The following SEMA6D variants were observed in gnomAD, a reference collection of about 807,000 sequenced individuals.
The protein encoded by SEMA6D is semaphorin-6D.
Under a neutral mutation model 106.6 loss-of-function variants are expected in SEMA6D, and 35 were observed. That is an observed-to-expected ratio of 0.33 (90% CI 0.25 to 0.44). The LOEUF (loss-of-function observed/expected upper bound fraction) is 0.44, where lower values mean the gene tolerates loss of function less well. Ranked by LOEUF, SEMA6D falls within the 20% of genes least tolerant of loss-of-function variation. The pLI is 1.00. For synonymous variants in SEMA6D, 499 were observed against 487.7 expected (o/e 1.02, Z -0.31); for missense variants, 1,185 against 1,345.9 (o/e 0.88, Z 1.87).
chr15:47,260,534 T>C (rs1566957596), intron 1 of SEMA6D, among the ~76,000 whole-genome samples: 1 of 152,142 alleles, frequency 6.6e-6, no homozygotes, highest in Non-Finnish European at 1.5e-5. Context: ...TCCCAGTGTC[T>C]TCTGGAGGGG....
rs114180394 is a variant in SEMA6D, at chr15:47,770,025, T to C, written c.1934-472T>C. Among the ~76,000 whole-genome samples the C allele has an allele frequency of 5.6e-4, 86 of 152,322 alleles. 1 individual carries two copies. The highest frequency in any genetic ancestry group is 2.0e-3 in the African/African-American group (83 of 41,572). ...ACAAATTATATGTTCATATTAAAGT[T>C]AGTATAATTGTATCAGAGTAATTAT... On this transcript the variant is annotated intron_variant, in intron 18 of 18. Coordinates refer to ENST00000536845, the MANE Select transcript of SEMA6D (RefSeq NM_001358351.3).
chr15:47,290,316 G>A (rs2035542999), intron 1 of SEMA6D, among the ~76,000 whole-genome samples: 1 of 152,014 alleles, frequency 6.6e-6, no homozygotes, highest in Non-Finnish European at 1.5e-5. Context: ...AAGTAAGAAT[G>A]TTTCATTTAG....
chr15:47,713,006 CTT>C (rs1382610967), upstream of SEMA6D, among the ~76,000 whole-genome samples: 3 of 152,120 alleles, frequency 2.0e-5, no homozygotes, highest in Non-Finnish European at 4.4e-5. Context: ...CTTCATATCT[CTT>C]GTCTGTTTGC....
At chr15:47,493,884 A>T (rs761877720) in intron 3 of SEMA6D, among the ~76,000 whole-genome samples, 12 of 152,280 alleles carry the variant, frequency 7.9e-5, no homozygotes, top group Non-Finnish European at 1.6e-4. Context: ...TGTAAAATTC[A>T]TGGCCAAACT....
intron 1 of SEMA6D, among the ~76,000 whole-genome samples, chr15:47,392,462 C>G (rs537995415): frequency 1.6e-4 from 25 of 152,024 alleles, no homozygotes; most frequent in Non-Finnish European, 2.8e-4. Context: ...GGGTCAGGGT[C>G]AGAGGCAGGG....
intron 3 of SEMA6D, among the ~76,000 whole-genome samples, chr15:47,541,561 A>C (rs1285724308): frequency 6.6e-6 from 1 of 152,162 alleles, no homozygotes; most frequent in East Asian, 1.9e-4. Flanking sequence ...GAAATGGTAG[A>C]GGGGAAAAAA....
intron 1 of SEMA6D, among the ~76,000 whole-genome samples, chr15:47,285,290 T>C (rs1489257398): frequency 3.9e-5 from 6 of 152,190 alleles, no homozygotes; most frequent in Non-Finnish European, 7.4e-5. Flanking sequence ...ACCTTTCTAG[T>C]GGCTGATTCA....
At chr15:47,265,252 T>C (rs963482571) in intron 1 of SEMA6D, among the ~76,000 whole-genome samples, 2 of 151,958 alleles carry the variant, frequency 1.3e-5, no homozygotes, top group African/African-American at 4.8e-5. Flanking sequence ...AGGCCTCAAC[T>C]TTTATTTCTG....
Position 47,767,089 on chromosome 15 carries a change from A to G in SEMA6D, c.1761A>G (p.Thr587=). The change falls in exon 17 of 19, where the codon ACA becomes ACG. Residue 587 remains threonine, a synonymous_variant. Transcript: ENST00000536845. The stretch of plus-strand genomic sequence containing the variant: ...ATTACAAAATATTTGGCGGTCCAAC[A>G]TCTGGTTAGTTTTTTTTAATTTTTT... The part of the protein sequence containing the change: ...TPDYKIFGGP[T]SDMEVSSSSV... 1 of 1,567,376 alleles carries G rather than the reference A, an allele frequency of 6.4e-7. No individual in the cohort carries two copies. The highest frequency in any genetic ancestry group is 1.7e-4 in the Middle Eastern group (1 of 5,898).
chr15:47,363,363 G>A (rs2038882000), intron 1 of SEMA6D, among the ~76,000 whole-genome samples: 1 of 152,148 alleles, frequency 6.6e-6, no homozygotes, highest in African/African-American at 2.4e-5. Flanking sequence ...GACCTTAGGT[G>A]TGGCGGGGTC....
chr15:47,481,681 G>A (rs1469905838), intron 3 of SEMA6D, among the ~76,000 whole-genome samples: 2 of 152,196 alleles, frequency 1.3e-5, no homozygotes, highest in Non-Finnish European at 2.9e-5. Context: ...GCTCTGAACA[G>A]GAGGGGAAGA....
At chr15:47,638,587 C>T (rs752904087) in intron 4 of SEMA6D, among the ~76,000 whole-genome samples, 4 of 152,120 alleles carry the variant, frequency 2.6e-5, no homozygotes, top group Non-Finnish European at 4.4e-5. Flanking sequence ...AAAATGCCAA[C>T]ATCTGTTAGC....
chr15:47,654,112 G>T (rs2077745847), intron 4 of SEMA6D, among the ~76,000 whole-genome samples: 1 of 152,144 alleles, frequency 6.6e-6, no homozygotes, highest in Non-Finnish European at 1.5e-5. Context: ...GAAGAAGAAA[G>T]AAGGGATGAT....
chr15:47,574,584 C>T (rs1308428664), intron 3 of SEMA6D, among the ~76,000 whole-genome samples: 1 of 152,146 alleles, frequency 6.6e-6, no homozygotes, highest in East Asian at 1.9e-4. Flanking sequence ...TGAGAAATCC[C>T]ATTCATGACA....
intron 1 of SEMA6D, among the ~76,000 whole-genome samples, chr15:47,295,739 C>T (rs964290850): frequency 6.6e-6 from 1 of 152,302 alleles, no homozygotes; most frequent in Non-Finnish European, 1.5e-5. Flanking sequence ...ATCAGAGTTA[C>T]GTTTAAAATT....
At chr15:47,576,038 A>T (rs1318911821) in intron 3 of SEMA6D, among the ~76,000 whole-genome samples, 1 of 152,224 alleles carries the variant, frequency 6.6e-6, no homozygotes, top group Non-Finnish European at 1.5e-5. Flanking sequence ...TTATATGACA[A>T]AACGACTCAC....
chr15:47,766,192 C>G lies in SEMA6D; in HGVS notation c.1646+10C>G. 1.9e-6 allele frequency: 3 copies of G among 1,609,862 alleles called. No homozygotes were observed. The highest frequency in any genetic ancestry group is 2.5e-6 in the Non-Finnish European group (3 of 1,176,652). On this transcript the variant is annotated intron_variant, in intron 15 of 18. Coordinates refer to ENST00000536845, the MANE Select transcript of SEMA6D (RefSeq NM_001358351.3). ...TGACCCCAGGGATGCTGTAAGTATA[C>G]TTTGTCACATGAGCTAGGATGAACT... is the stretch of plus-strand genomic sequence containing the variant.
chr15:47,764,487 G>C, intron 11 of SEMA6D, 151 bp from the exon 12 acceptor site: 1 of 1,242,304 alleles, frequency 8.0e-7, no homozygotes, highest in Non-Finnish European at 1.1e-6. Context: ...AGAACCCATT[G>C]AATTCAGGGG....
At chr15:47,375,386 C>A (rs760320847) in intron 1 of SEMA6D, among the ~76,000 whole-genome samples, 1 of 152,150 alleles carries the variant, frequency 6.6e-6, no homozygotes, top group Non-Finnish European at 1.5e-5. Context: ...TTCTTTTACT[C>A]TCCCATTCCA....
Sources: allele counts gnomAD v4.1 joint callset (sites outside exome capture counted in the v4.1 genomes callset), GRCh38; gene constraint gnomAD v4.1.1; transcripts MANE v1.5; gene names NCBI Gene and HGNC (gene_info 2026-07-23, HGNC 2026-07-21).